CREB3L2: variants seen among roughly 807,000 people sequenced by gnomAD.
CREB3L2 encodes the protein cyclic AMP-responsive element-binding protein 3-like protein 2.
Under a neutral mutation model 57.2 loss-of-function variants are expected in CREB3L2, and 23 were observed. The ratio of observed to expected loss-of-function variants is 0.40; its 90% CI spans 0.29 to 0.57. CREB3L2 has a LOEUF of 0.57. Among genes scored for constraint, CREB3L2 ranks in the 20% least tolerant of loss-of-function variants. CREB3L2 has a pLI of 0.42. For missense variants in CREB3L2, 628 were observed against 634.7 expected (o/e 0.99, Z 0.11); for synonymous variants, 268 against 265.1 (o/e 1.01, Z -0.11).
At chr7:137,905,520 G>C (rs970041437) in intron 6 of CREB3L2, among the ~76,000 whole-genome samples, 182 bp downstream of exon 6, 1 of 152,110 alleles carries the variant, frequency 6.6e-6, no homozygotes, top group South Asian at 2.1e-4. Context: ...GATGGGATGG[G>C]CTGGAGGAAG....
At chr7:137,992,388 G>A (rs1563276048) in intron 1 of CREB3L2, among the ~76,000 whole-genome samples, 1 of 152,104 alleles carries the variant, frequency 6.6e-6, no homozygotes, top group Non-Finnish European at 1.5e-5. Flanking sequence ...AGCTCCTCTT[G>A]GGTTTACACT....
intron 1 of CREB3L2, among the ~76,000 whole-genome samples, chr7:138,000,197 G>A (rs1359314543): frequency 6.6e-6 from 1 of 152,218 alleles, no homozygotes; most frequent in Non-Finnish European, 1.5e-5. Context: ...AAAGAGAAGG[G>A]CTGCCCCTCT....
At chr7:137,899,624 G>A (rs935691980) in intron 8 of CREB3L2, among the ~76,000 whole-genome samples, 1 of 152,228 alleles carries the variant, frequency 6.6e-6, no homozygotes, top group Admixed American at 6.5e-5. Context: ...AAGGCAAGCA[G>A]TGAAACCAGC....
chr7:137,897,980 C>G (rs1049797352), intron 8 of CREB3L2, among the ~76,000 whole-genome samples: 1 of 151,974 alleles, frequency 6.6e-6, no homozygotes, highest in East Asian at 1.9e-4. Context: ...AGGCAGCCCA[C>G]GGATTGGGAG....
At chr7:137,965,229 T>C (rs1028364671) in intron 1 of CREB3L2, among the ~76,000 whole-genome samples, 1 of 152,210 alleles carries the variant, frequency 6.6e-6, no homozygotes, top group African/African-American at 2.4e-5. Context: ...ACTCCAGTAA[T>C]TACTGCTTCC....
chr7:137,978,554 G>A (rs1801650705), intron 1 of CREB3L2, among the ~76,000 whole-genome samples: 1 of 152,184 alleles, frequency 6.6e-6, no homozygotes, highest in Admixed American at 6.5e-5. Flanking sequence ...GCAATGGCAG[G>A]CCCGGTACGA....
chr7:137,921,508 A>G (rs1304061599), intron 2 of CREB3L2, among the ~76,000 whole-genome samples: 1 of 152,226 alleles, frequency 6.6e-6, no homozygotes, highest in Admixed American at 6.5e-5. Flanking sequence ...GAGACTGAAA[A>G]AGACATGAAC....
At chr7:137,973,712 T>C (rs975176440) in intron 1 of CREB3L2, among the ~76,000 whole-genome samples, 1 of 152,154 alleles carries the variant, frequency 6.6e-6, no homozygotes, top group African/African-American at 2.4e-5. Context: ...GTTTTACAAC[T>C]CAGTCTTCAA....
chr7:137,880,653 G>T lies in CREB3L2; in HGVS notation c.1488-102C>A. On this transcript the variant is annotated intron_variant, in intron 11 of 11. Coordinates refer to ENST00000330387, the MANE Select transcript of CREB3L2 (RefSeq NM_194071.4). The surrounding 1 kb of genome is among the most constrained non-coding windows in gnomAD (Gnocchi z 4.0). Reference sequence around the variant, plus strand: ...GCAATCATTCAGGGGTTGCAACTTGGTGAGACGGCCTGGGCATGTTTCTTG... The same window carrying T: ...GCAATCATTCAGGGGTTGCAACTTGTTGAGACGGCCTGGGCATGTTTCTTG... 1 of 891,920 alleles carries T rather than the reference G, an allele frequency of 1.1e-6. No homozygotes were observed. The highest frequency in any genetic ancestry group is 1.4e-5 in the South Asian group (1 of 71,970). 55.3% of individuals were successfully genotyped at this position (891,920 alleles called of 1,614,324 possible).
Position 137,882,421 on chromosome 7 carries a change from T to A in CREB3L2, c.1478A>T (p.Gln493Leu). 6.2e-7 allele frequency: 1 copy of A among 1,612,706 alleles called. No homozygotes were observed. Reference sequence around the variant, plus strand: ...TGTCTCTATGACTCACAGGTGCTGCTGCAGCTCCAAAAGCACTGACTTCTC... The same window carrying A: ...TGTCTCTATGACTCACAGGTGCTGCAGCAGCTCCAAAAGCACTGACTTCTC... ...SLEKSVLLEL[Q>L]QHLVSAKLEG... Residue 493 changes from glutamine (Q) to leucine (L), a missense_variant, in exon 11 of 12, where the codon CAG (glutamine) becomes CTG (leucine). Physicochemically the swap from Gln to Leu is moderately radical, Grantham distance 113. This residue lies in a region of CREB3L2 where 272 missense variants were observed against 242.7 expected (regional missense o/e 1.12). Transcript: ENST00000330387.
At chr7:137,959,199 A>G (rs1801274396) in intron 1 of CREB3L2, among the ~76,000 whole-genome samples, 1 of 152,210 alleles carries the variant, frequency 6.6e-6, no homozygotes, top group African/African-American at 2.4e-5. Context: ...CTGCAATGGC[A>G]TTTCGAGTTG....
At position 137,888,404 on chromosome 7, in the gene CREB3L2, T is replaced by C. The variant is rs529206856; in HGVS notation, c.1044-2902A>G. 3.9e-5 allele frequency among the ~76,000 whole-genome samples: 6 copies of C among 152,228 alleles called. No individual in the cohort carries two copies. In the South Asian group the frequency reaches 1.0e-3, roughly 26 times the overall value. The stretch of plus-strand genomic sequence containing the variant: ...GCACCTTTCCTTCCTCATGAAACTT[T>C]TTCTCTGTTCTCCCAGGACTTCCCC... On this transcript the variant is annotated intron_variant, in intron 8 of 11. Coordinates refer to ENST00000330387, the MANE Select transcript of CREB3L2 (RefSeq NM_194071.4).
chr7:137,878,474 G>T lies in CREB3L2; in HGVS notation c.*2002C>A, dbSNP rs1799207216. 1 of 233,362 alleles carries T rather than the reference G, an allele frequency of 4.3e-6. No individual in the cohort carries two copies. Among genetic ancestry groups the T allele is most frequent in the Non-Finnish European group, 8.5e-6 (1 of 118,166 alleles). 14.5% of individuals were successfully genotyped at this position (233,362 alleles called of 1,614,324 possible). Reference sequence around the variant, plus strand: ...AGGGATGGGTCAGTGGAGGCCCATGGTTACCAGACACCAGCCAGGCCCAAC... The same window carrying T: ...AGGGATGGGTCAGTGGAGGCCCATGTTTACCAGACACCAGCCAGGCCCAAC... On this transcript the variant is annotated 3_prime_UTR_variant, in exon 12 of 12. Transcript: ENST00000330387.
chr7:138,001,468 T>C lies in CREB3L2; in HGVS notation c.102+136A>G, dbSNP rs1439229789. The C allele has an allele frequency of 1.6e-6, 1 of 614,912 alleles. No homozygotes were observed. The highest frequency in any genetic ancestry group is 1.9e-5 in the African/African-American group (1 of 53,548). The allele number at this position is 614,912 out of a possible 1,614,324, so 38.1% of individuals were successfully genotyped here. A position where few individuals can be genotyped will look rare whatever the true frequency, so the allele number is the denominator to read the frequency against. ...ATCTGCTCAGACATTAAAGTACACC[T>C]CGCCCAGGACCTCTTGATTCTGACC... On this transcript the variant is annotated intron_variant, in intron 1 of 11. Transcript: ENST00000330387. This position sits in a 1 kb window ranked among gnomAD's most constrained non-coding sequence, Gnocchi z 4.2.
rs570322269 is a variant in CREB3L2, at chr7:137,979,651, G to A, written c.102+21953C>T. On this transcript the variant is annotated intron_variant, in intron 1 of 11. Coordinates refer to ENST00000330387, the MANE Select transcript of CREB3L2 (RefSeq NM_194071.4). ...TGAGGCAGGAGAATGGCGTGAACCC[G>A]AGAGGCGGAGCTTGCAGTGAGCCGA... Among the ~76,000 whole-genome samples the A allele has an allele frequency of 3.3e-5, 5 of 152,276 alleles. No individual in the cohort carries two copies. In the East Asian group the frequency reaches 5.8e-4, roughly 18 times the overall value.
chr7:137,885,374 T>C, intron 9 of CREB3L2, 29 bp downstream of exon 9: 1 of 1,580,320 alleles, frequency 6.3e-7, no homozygotes, highest in Non-Finnish European at 8.7e-7. Flanking sequence ...CCAGGGGCGG[T>C]CACTGTGCTA....
chr7:137,949,993 T>G (rs959423608), intron 1 of CREB3L2, among the ~76,000 whole-genome samples: 2 of 152,174 alleles, frequency 1.3e-5, no homozygotes, highest in African/African-American at 4.8e-5. Context: ...ATTATTTTAT[T>G]TAATCTTCAC....
intron 4 of CREB3L2, 150 bp downstream of exon 4, chr7:137,912,841 A>G (rs1195880098): frequency 2.0e-6 from 3 of 1,527,916 alleles, no homozygotes; most frequent in Non-Finnish European, 1.8e-6. Flanking sequence ...TTGGAAGCAA[A>G]ATTTTTATTT....
rs372858646 is a variant in CREB3L2 at position 138,000,012 on chromosome 7, G to A, written c.102+1592C>T. On this transcript the variant is annotated intron_variant, in intron 1 of 11. Coordinates refer to ENST00000330387, the MANE Select transcript of CREB3L2 (RefSeq NM_194071.4). The stretch of plus-strand genomic sequence containing the variant: ...TTCCCAGAGTGAATGCCACAGTCAC[G>A]GGTAGCATCTCGCACCTTTCCCTGT... 9.9e-5 allele frequency among the ~76,000 whole-genome samples: 15 copies of A among 152,270 alleles called. No homozygotes were observed. The East Asian group carries it at 1.5e-3, about 16-fold the overall frequency.
Sources: allele counts gnomAD v4.1 joint callset (sites outside exome capture counted in the v4.1 genomes callset), GRCh38; gene constraint gnomAD v4.1.1; regional missense constraint gnomAD v4.1.1; non-coding constraint Gnocchi (gnomAD v3.1); transcripts MANE v1.5; gene names NCBI Gene and HGNC (gene_info 2026-07-23, HGNC 2026-07-21).